DCHS1: variants seen among roughly 807,000 people sequenced by gnomAD.
DCHS1 encodes the protein dachsous cadherin-related 1, also known as protocadherin-16.
In DCHS1, 78 loss-of-function variants were observed where a neutral mutation model predicts 213.9. That is an observed-to-expected ratio of 0.36 (90% CI 0.30 to 0.44). The LOEUF is 0.44. DCHS1 is among the 20% of genes least tolerant of loss of function. The pLI, the probability that DCHS1 is intolerant of heterozygous loss-of-function variation, is 1.00. For synonymous variants in DCHS1, 1,828 were observed against 1,873.7 expected, an observed-to-expected ratio of 0.98 and a Z score of 0.63; for missense variants, 3,946 against 4,395.9, an observed-to-expected ratio of 0.90 and a Z score of 2.89.
At chr11:6,634,399 T>TC in intron 2 of DCHS1, 93 bp from the exon 3 acceptor site, 1 of 1,396,230 alleles carries the variant, frequency 7.2e-7, no homozygotes, top group African/African-American at 1.4e-5. Flanking sequence ...GTGCTAAGTC[T>TC]CTGGATGGCG....
chr11:6,641,735 TG>T lies in DCHS1; in HGVS notation c.-120-3del. 6.9e-7 allele frequency: 1 copy of T among 1,439,672 alleles called. No homozygotes were observed. Among genetic ancestry groups the T allele is most frequent in the Non-Finnish European group, 9.1e-7 (1 of 1,099,246 alleles). The allele number at this position is 1,439,672 out of a possible 1,614,324, so 89.2% of individuals were successfully genotyped here. A position where few individuals can be genotyped will look rare whatever the true frequency, so the allele number is the denominator to read the frequency against. On this transcript the variant is annotated splice_region_variant and splice_polypyrimidine_tract_variant and intron_variant, in intron 1 of 20. Coordinates refer to ENST00000299441, the MANE Select transcript of DCHS1 (RefSeq NM_003737.4). This position sits in a 1 kb window ranked among gnomAD's most constrained non-coding sequence, Gnocchi z 7.1. ...TGGCTCCAGCTCAGGCTCCCTGACC[TG>T]GGAGAAAACAGAAGGAAACGGGTCA... is the stretch of plus-strand genomic sequence containing the variant.
chr11:6,624,328 C>T lies in DCHS1; in HGVS notation c.7348G>A (p.Val2450Met), dbSNP rs375759882. ...LGHDGSGAVD[V>M]VLEARDHGAP... ...CCGTGGTCTCGTGCTTCCAGCACCA[C>T]ATCCACTGCTCCTGACCCGTCATGG... The change falls in exon 21 of 21, where the codon GTG becomes ATG. Residue 2450 changes from valine (V) to methionine (M), a missense_variant. By Grantham distance (21) the Val-to-Met change is conservative. This residue lies in a region of DCHS1 where 3,384 missense variants were observed against 3,780.1 expected (regional missense o/e 0.90). Transcript: ENST00000299441. 5.7e-6 allele frequency: 9 copies of T among 1,582,902 alleles called. No homozygotes were observed. Among genetic ancestry groups the T allele is most frequent in the Non-Finnish European group, 6.9e-6 (8 of 1,165,264 alleles).
Position 6,646,916 on chromosome 11 carries a change from G to C in DCHS1, c.-120-5183C>G, listed in dbSNP as rs893564698. 3.3e-5 allele frequency among the ~76,000 whole-genome samples: 5 copies of C among 152,174 alleles called. No individual in the cohort carries two copies. In the South Asian group the frequency reaches 6.2e-4, roughly 19 times the overall value. ...GGGAGAGGAAAGAGAGGTGGGCTGGGGGGGAGGAGCAGGGGGACTACAAGG... is the reference window on the plus strand; with the variant it reads ...GGGAGAGGAAAGAGAGGTGGGCTGGCGGGGAGGAGCAGGGGGACTACAAGG... On this transcript the variant is annotated intron_variant, in intron 1 of 20. Coordinates refer to ENST00000299441, the MANE Select transcript of DCHS1 (RefSeq NM_003737.4).
In DCHS1 at chr11:6,625,149, A is replaced by G. The variant is rs376946476; in HGVS notation, c.7146+49T>C. The G allele has an allele frequency of 4.9e-4, 744 of 1,530,090 alleles. 1 individual carries two copies. The highest frequency in any genetic ancestry group is 1.4e-3 in the Admixed American group (68 of 47,384). The allele number at this position is 1,530,090 out of a possible 1,614,324, so 94.8% of individuals were successfully genotyped here. Reference sequence around the variant, plus strand: ...CTGCTAGCTCTGATACTTCCCTCCAACAGGAACAACCCAGGCCCAGGTGTA... The same window carrying G: ...CTGCTAGCTCTGATACTTCCCTCCAGCAGGAACAACCCAGGCCCAGGTGTA... On this transcript the variant is annotated intron_variant, in intron 19 of 20. Transcript: ENST00000299441. This position sits in a 1 kb window ranked among gnomAD's most constrained non-coding sequence, Gnocchi z 5.3.
rs1389337118 is a variant in DCHS1, at chr11:6,630,209, G to A, written c.4585C>T (p.Arg1529Cys). Reference protein sequence around the residue: ...PANASRRRAARVSARVFVTDE... With the variant: ...PANASRRRAACVSARVFVTDE... ...GTGACGAAGACGCGCGCTGAAACGCGCGCTGCACGACGGCGGCTGGCGTTG... is the reference window on the plus strand; with the variant it reads ...GTGACGAAGACGCGCGCTGAAACGCACGCTGCACGACGGCGGCTGGCGTTG... The change falls in exon 10 of 21, where the codon CGC becomes TGC. Residue 1529 changes from arginine to cysteine, a missense_variant. This residue lies in a region of DCHS1 where 3,384 missense variants were observed against 3,780.1 expected (regional missense o/e 0.90). Coordinates refer to ENST00000299441, the MANE Select transcript of DCHS1 (RefSeq NM_003737.4). 1 of 1,573,280 alleles carries A rather than the reference G, an allele frequency of 6.4e-7. No individual in the cohort carries two copies. The highest frequency in any genetic ancestry group is 1.4e-5 in the African/African-American group (1 of 73,822).
chr11:6,627,952 A>T lies in DCHS1; in HGVS notation c.5372-285T>A, dbSNP rs965594350. Among the ~76,000 whole-genome samples the T allele has an allele frequency of 6.6e-6, 1 of 152,204 alleles. No homozygotes were observed. The highest frequency in any genetic ancestry group is 1.5e-5 in the Non-Finnish European group (1 of 68,042). ...TATATGGCCTTTTTATTCTCATCTC[A>T]CAGATGTACAGTAGAATTTACAGAT... On this transcript the variant is annotated intron_variant, in intron 13 of 20. Transcript: ENST00000299441. This position sits in a 1 kb window ranked among gnomAD's most constrained non-coding sequence, Gnocchi z 5.4.
rs941594697 is a variant in DCHS1, at chr11:6,634,221, G to C, written c.1883C>G (p.Pro628Arg). The change falls in exon 3 of 21, where the codon CCA becomes CGA. Residue 628 changes from proline to arginine, a missense_variant. By Grantham distance (103) the Pro-to-Arg change is moderately radical (BLOSUM62 -2). This residue lies in a region of DCHS1 where 3,384 missense variants were observed against 3,780.1 expected (regional missense o/e 0.90). Coordinates refer to ENST00000299441, the MANE Select transcript of DCHS1 (RefSeq NM_003737.4). ...GAGLGSSGSP[P>R]FRIDAHSGDV... ...ACCGCTGTGGGCATCAATGCGGAATGGGGGAGATCCGGAGGACCCAAGTCC... is the reference window on the plus strand; with the variant it reads ...ACCGCTGTGGGCATCAATGCGGAATCGGGGAGATCCGGAGGACCCAAGTCC... 6.2e-7 allele frequency: 1 copy of C among 1,613,884 alleles called. No homozygotes were observed.
rs1464895726 is a variant in DCHS1, at chr11:6,627,794, CAG to C, written c.5372-129_5372-128del. 3 of 1,086,686 alleles carry C rather than the reference CAG, an allele frequency of 2.8e-6. No individual in the cohort carries two copies. Among genetic ancestry groups the C allele is most frequent in the African/African-American group, 1.6e-5 (1 of 62,528 alleles). The allele number at this position is 1,086,686 out of a possible 1,614,324, so 67.3% of individuals were successfully genotyped here. A position where few individuals can be genotyped will look rare whatever the true frequency, so the allele number is the denominator to read the frequency against. On this transcript the variant is annotated intron_variant, in intron 13 of 20. Transcript: ENST00000299441. This position sits in a 1 kb window ranked among gnomAD's most constrained non-coding sequence, Gnocchi z 5.4. ...ACCTTATGAGAGAAAGGAAGAAAAA[CAG>C]AAACAGAAAGTAAAAGAAGATACTA...
Position 6,627,261 on chromosome 11 carries a change from G to A in DCHS1, c.5778C>T (p.Thr1926=). The A allele has an allele frequency of 6.2e-7, 1 of 1,613,422 alleles. No individual in the cohort carries two copies. Among genetic ancestry groups the A allele is most frequent in the Non-Finnish European group, 8.5e-7 (1 of 1,179,854 alleles). Residue 1926 remains threonine, a synonymous_variant, in exon 14 of 21, where the codon ACC becomes ACT. Coordinates refer to ENST00000299441, the MANE Select transcript of DCHS1 (RefSeq NM_003737.4). The surrounding 1 kb of genome is among the most constrained non-coding windows in gnomAD (Gnocchi z 5.4). ...ALDREQCPSY[T]FSVSAVDGAA... ...CACCATCCACTGCACTCACAGAAAAGGTGTAGCTGGGACACTGTTCTCTGT... is the reference window on the plus strand; with the variant it reads ...CACCATCCACTGCACTCACAGAAAAAGTGTAGCTGGGACACTGTTCTCTGT...
intron 1 of DCHS1, among the ~76,000 whole-genome samples, chr11:6,650,183 A>C (rs1186833016): frequency 6.6e-6 from 1 of 152,104 alleles, no homozygotes; most frequent in Non-Finnish European, 1.5e-5. Flanking sequence ...AGGCTCTGAG[A>C]GATAACAAGC....
chr11:6,646,625 G>A (rs1856159304), intron 1 of DCHS1, among the ~76,000 whole-genome samples: 1 of 152,048 alleles, frequency 6.6e-6, no homozygotes, highest in African/African-American at 2.4e-5. Context: ...AATCTGTCAT[G>A]GCTCTTCTCC....
rs759938374 is a variant in DCHS1, at chr11:6,640,344, C to A, written c.1270G>T (p.Val424Leu). 1.2e-5 allele frequency: 20 copies of A among 1,612,622 alleles called. No individual in the cohort carries two copies. Among genetic ancestry groups the A allele is most frequent in the Non-Finnish European group, 1.6e-5 (19 of 1,179,258 alleles). The part of the protein sequence containing the change: ...LSTQDSVIYL[V>L]CVARRLDREE... ...CGATCCAGCCGCCGAGCCACACACACCAGATAGATGACGCTGTCTTGGGTG... is the reference window on the plus strand; with the variant it reads ...CGATCCAGCCGCCGAGCCACACACAACAGATAGATGACGCTGTCTTGGGTG... The change falls in exon 2 of 21, where the codon GTG becomes TTG. Residue 424 changes from valine (V) to leucine (L), a missense_variant. Val to Leu is a conservative substitution (Grantham distance 32, BLOSUM62 1). Transcript: ENST00000299441. The surrounding 1 kb of genome is among the most constrained non-coding windows in gnomAD (Gnocchi z 6.5).
chr11:6,632,537 C>A lies in DCHS1; in HGVS notation c.2975G>T (p.Gly992Val), dbSNP rs145749053. Residue 992 changes from glycine to valine, a missense_variant, in exon 6 of 21, where the codon GGA becomes GTA. Around this residue, in one of 3 missense-constraint regions of DCHS1, gnomAD observed 3,384 missense variants for 3,780.1 expected, o/e 0.90. Transcript: ENST00000299441. This position sits in a 1 kb window ranked among gnomAD's most constrained non-coding sequence, Gnocchi z 5.9. ...GAATCGGGGAGCCAGCCCACGGGTT[C>A]CCACATCCTGTACCACCACCCGTAG... is the stretch of plus-strand genomic sequence containing the variant. ...FRLRVVVQDV[G>V]TRGLAPRFNS... is the part of the protein sequence containing the mutation. 1.3e-6 allele frequency: 2 copies of A among 1,532,228 alleles called. No individual in the cohort carries two copies. Among genetic ancestry groups the A allele is most frequent in the Non-Finnish European group, 1.8e-6 (2 of 1,137,372 alleles). The allele number at this position is 1,532,228 out of a possible 1,614,324, so 94.9% of individuals were successfully genotyped here.
chr11:6,654,832 G>A (rs960375754), intron 1 of DCHS1, among the ~76,000 whole-genome samples: 2 of 152,182 alleles, frequency 1.3e-5, no homozygotes, highest in East Asian at 3.9e-4. Context: ...CCGCCACACT[G>A]AGTTCATTGT....
At chr11:6,638,064 C>G (rs896704536) in intron 2 of DCHS1, among the ~76,000 whole-genome samples, 1 of 152,274 alleles carries the variant, frequency 6.6e-6, no homozygotes, top group South Asian at 2.1e-4. Context: ...AGCCATAGCC[C>G]ATTGGTCCTG....
intron 9 of DCHS1, 25 bp from the exon 10 acceptor site, chr11:6,630,888 C>G (rs1855897227): frequency 2.0e-6 from 3 of 1,503,220 alleles, no homozygotes; most frequent in African/African-American, 1.4e-5. Flanking sequence ...GGAGGGAGAA[C>G]AGAATTGTGA....
chr11:6,646,946 G>T (rs1278241337), intron 1 of DCHS1, among the ~76,000 whole-genome samples: 2 of 152,094 alleles, frequency 1.3e-5, no homozygotes, highest in East Asian at 3.9e-4. Context: ...ACAAGGGAAG[G>T]GGGTGCTCCA....
chr11:6,639,728 G>T, intron 2 of DCHS1, 89 bp downstream of exon 2: 1 of 1,132,600 alleles, frequency 8.8e-7, no homozygotes, highest in Non-Finnish European at 1.3e-6. Flanking sequence ...ATCAACAGAT[G>T]ACCTTGTAAG....
At position 6,631,372 on chromosome 11, in the gene DCHS1, C is replaced by T. The variant is rs112445976; in HGVS notation, c.3711G>A (p.Thr1237=). ...CATCTGGATCCTTCGCCTGCAGAGT[C>T]GTCACCAGTGTTCCCGGAGGCACGC... The part of the protein sequence containing the change: ...PDRVPPGTLV[T]TLQAKDPDEG... The change falls in exon 8 of 21, where the codon ACG becomes ACA. Residue 1237 remains threonine, a synonymous_variant. Transcript: ENST00000299441. The T allele has an allele frequency of 5.6e-3, 9,060 of 1,613,966 alleles. 89 individuals carry two copies. Among genetic ancestry groups the T allele is most frequent in the South Asian group, 0.029 (2,606 of 91,078 alleles).
Sources: allele counts gnomAD v4.1 joint callset (sites outside exome capture counted in the v4.1 genomes callset), GRCh38; gene constraint gnomAD v4.1.1; regional missense constraint gnomAD v4.1.1; non-coding constraint Gnocchi (gnomAD v3.1); transcripts MANE v1.5; gene names NCBI Gene and HGNC (gene_info 2026-07-23, HGNC 2026-07-21).